The following HCRTR2 variants were observed in gnomAD, a reference collection of about 807,000 sequenced individuals.
HCRTR2 encodes the protein orexin receptor type 2.
HCRTR2 carries 22 observed loss-of-function variants against 49.0 expected under a neutral mutation model. The ratio of observed to expected loss-of-function variants is 0.45; its 90% CI spans 0.32 to 0.64. The LOEUF is 0.64. Ranked by LOEUF, HCRTR2 falls within the 30% of genes least tolerant of loss-of-function variation. The probability of loss-of-function intolerance (pLI) is 0.04; values close to 1 mark genes in which losing one functional copy is unlikely to be tolerated. For missense variants in HCRTR2, 491 were observed against 559.4 expected, an observed-to-expected ratio of 0.88 and a Z score of 1.23; for synonymous variants, 236 against 205.3, an observed-to-expected ratio of 1.15 and a Z score of -1.28.
intron 3 of HCRTR2, among the ~76,000 whole-genome samples, chr6:55,262,765 AATATATATAT>A (rs3065669): frequency 7.2e-6 from 1 of 138,854 alleles, no homozygotes; most frequent in African/African-American, 2.6e-5. Flanking sequence ...TTAGGTAGGG[AATATATATAT>A]ATATATATAT....
chr6:55,220,450 A>T (rs1389813176), intron 1 of HCRTR2, among the ~76,000 whole-genome samples: 4 of 152,224 alleles, frequency 2.6e-5, no homozygotes, highest in Non-Finnish European at 5.9e-5. Flanking sequence ...AACAAGGGAT[A>T]AGATCACATG....
chr6:55,247,007 C>T (rs535460151), intron 1 of HCRTR2, among the ~76,000 whole-genome samples: 15 of 151,976 alleles, frequency 9.9e-5, no homozygotes, highest in Admixed American at 3.9e-4. Context: ...AAGAGTCCTG[C>T]GCATTTTCCT....
rs751615853 is a variant in HCRTR2, at chr6:55,277,411, A to G, written c.794A>G (p.Lys265Arg). 6.2e-7 allele frequency: 1 copy of G among 1,614,102 alleles called. No individual in the cohort carries two copies. Among genetic ancestry groups the G allele is most frequent in the Non-Finnish European group, 8.5e-7 (1 of 1,180,000 alleles). ...IPGTSSVVQR[K>R]WKPLQPVSQP... ...GGAACATCATCTGTAGTTCAGAGAAAATGGAAGCCCCTGCAGCCTGTTTCA... is the reference window on the plus strand; with the variant it reads ...GGAACATCATCTGTAGTTCAGAGAAGATGGAAGCCCCTGCAGCCTGTTTCA... Residue 265 changes from lysine (K) to arginine (R), a missense_variant, in exon 5 of 7, where the codon AAA (lysine) becomes AGA (arginine). Transcript: ENST00000370862.
intron 1 of HCRTR2, among the ~76,000 whole-genome samples, chr6:55,208,560 T>A (rs979767688): frequency 5.3e-5 from 8 of 152,098 alleles, no homozygotes; most frequent in African/African-American, 1.9e-4. Context: ...TTAAATTTAA[T>A]CCTGCAAGAT....
intron 1 of HCRTR2, among the ~76,000 whole-genome samples, chr6:55,179,986 T>A (rs1765104006): frequency 6.6e-6 from 1 of 152,202 alleles, no homozygotes; most frequent in South Asian, 2.1e-4. Context: ...GCTGGCTTTA[T>A]TAAGTATGTT....
At chr6:55,200,459 T>G (rs1765494362) in intron 1 of HCRTR2, among the ~76,000 whole-genome samples, 1 of 152,072 alleles carries the variant, frequency 6.6e-6, no homozygotes, top group African/African-American at 2.4e-5. Context: ...AGAGATGGGG[T>G]TTCACTATGT....
At chr6:55,133,691 ATC>A (rs1561982281) in intron 1 of HCRTR2, among the ~76,000 whole-genome samples, 10 of 149,852 alleles carry the variant, frequency 6.7e-5, no homozygotes, top group African/African-American at 2.5e-4. Flanking sequence ...CTATCTATCT[ATC>A]TATCTATCTA....
chr6:55,235,834 G>T (rs1054172803), intron 1 of HCRTR2, among the ~76,000 whole-genome samples: 2 of 151,592 alleles, frequency 1.3e-5, no homozygotes, highest in Admixed American at 6.6e-5. Flanking sequence ...TTTTTGTTTT[G>T]GATCTCAATT....
intron 1 of HCRTR2, among the ~76,000 whole-genome samples, chr6:55,156,580 C>T (rs1764733088): frequency 6.6e-6 from 1 of 151,740 alleles, no homozygotes; most frequent in Non-Finnish European, 1.5e-5. Flanking sequence ...GAGACACACA[C>T]ACACACACAC....
chr6:55,270,035 C>T (rs1318952313), intron 4 of HCRTR2, among the ~76,000 whole-genome samples: 1 of 152,092 alleles, frequency 6.6e-6, no homozygotes, highest in African/African-American at 2.4e-5. Context: ...ACATGGATTC[C>T]ATGCAGCAGT....
At chr6:55,153,823 G>GA (rs549970975) in intron 1 of HCRTR2, among the ~76,000 whole-genome samples, 77 of 151,308 alleles carry the variant, frequency 5.1e-4, no homozygotes, top group African/African-American at 1.8e-3. Flanking sequence ...TATAGAGAAT[G>GA]AAAAAATTAG....
chr6:55,246,092 A>G (rs1766438233), intron 1 of HCRTR2, among the ~76,000 whole-genome samples: 1 of 152,010 alleles, frequency 6.6e-6, no homozygotes. Context: ...AGCACCAAAG[A>G]TTGCCTGAAA....
intron 1 of HCRTR2, among the ~76,000 whole-genome samples, chr6:55,166,722 A>C (rs1764882475): frequency 6.6e-6 from 1 of 152,156 alleles, no homozygotes; most frequent in African/African-American, 2.4e-5. Flanking sequence ...GAGCATTGAA[A>C]ACATAAGTAC....
At chr6:55,111,806 A>T (rs1409336991) in intron 1 of HCRTR2, among the ~76,000 whole-genome samples, 2 of 152,088 alleles carry the variant, frequency 1.3e-5, no homozygotes, top group Admixed American at 6.6e-5. Context: ...AGCCAGCATC[A>T]TCCTAATACC....
intron 1 of HCRTR2, among the ~76,000 whole-genome samples, chr6:55,244,153 A>G (rs1031952720): frequency 1.3e-5 from 2 of 152,058 alleles, no homozygotes; most frequent in African/African-American, 2.4e-5. Flanking sequence ...CAAAAATTCA[A>G]CAGAAACCCA....
upstream of HCRTR2, among the ~76,000 whole-genome samples, chr6:55,170,665 T>C (rs151157453): frequency 4.9e-3 from 746 of 151,872 alleles, 5 homozygotes; most frequent in African/African-American, 0.017. Flanking sequence ...GCATGCGCCA[T>C]GTTGGTGTGC....
At chr6:55,245,469 TTA>T (rs745939954) in intron 1 of HCRTR2, among the ~76,000 whole-genome samples, 1,449 of 56,672 alleles carry the variant, frequency 0.026, 16 homozygotes, top group Non-Finnish European at 0.031. Context: ...TAGGAAGATT[TTA>T]TATATATATA....
At chr6:55,263,494 A>G (rs1051431016) in intron 3 of HCRTR2, among the ~76,000 whole-genome samples, 1 of 152,144 alleles carries the variant, frequency 6.6e-6, no homozygotes, top group African/African-American at 2.4e-5. Context: ...ATTAAGTGAA[A>G]TTACGACTTC....
At position 55,127,620 on chromosome 6, in the gene HCRTR2, C is replaced by A. The variant is rs752354989; in HGVS notation, c.-378+21075C>A. Among the ~76,000 whole-genome samples the A allele has an allele frequency of 3.9e-5, 6 of 152,068 alleles. No homozygotes were observed. The South Asian group carries it at 1.2e-3, about 32-fold the overall frequency. On this transcript the variant is annotated intron_variant, in intron 1 of 7. Transcript: ENST00000615358. Reference sequence around the variant, plus strand: ...TTGCTTTCTTGTTGTTGTTTTGATTCCTTCCTTAATTGTCTTATGCCTAAC... The same window carrying A: ...TTGCTTTCTTGTTGTTGTTTTGATTACTTCCTTAATTGTCTTATGCCTAAC...
Sources: allele counts gnomAD v4.1 joint callset (sites outside exome capture counted in the v4.1 genomes callset), GRCh38; gene constraint gnomAD v4.1.1; transcripts MANE v1.5; gene names NCBI Gene and HGNC (gene_info 2026-07-23, HGNC 2026-07-21).